The following MAP4K5 variants were observed in gnomAD, a reference collection of about 807,000 sequenced individuals.
MAP4K5 encodes the protein MAPK/ERK kinase kinase kinase 5.
Under a neutral mutation model 135.6 loss-of-function variants are expected in MAP4K5, and 82 were observed. That is an observed-to-expected ratio of 0.60 (90% CI 0.51 to 0.73). The LOEUF (loss-of-function observed/expected upper bound fraction) is 0.73. MAP4K5 is among the 30% of genes least tolerant of loss of function. The pLI, the probability that MAP4K5 is intolerant of heterozygous loss-of-function variation, is 0.00. For missense variants in MAP4K5, 907 were observed against 1,010.9 expected (o/e 0.90, Z 1.39); for synonymous variants, 347 against 335.0 (o/e 1.04, Z -0.39).
intron 3 of MAP4K5, among the ~76,000 whole-genome samples, chr14:50,499,286 A>G (rs1295874666): frequency 6.6e-6 from 1 of 152,224 alleles, no homozygotes; most frequent in African/African-American, 2.4e-5. Flanking sequence ...GAATGCTGGT[A>G]GAGTTAAGGG....
At chr14:50,429,416 A>C (rs2035921665) in intron 28 of MAP4K5, among the ~76,000 whole-genome samples, 156 bp from the exon 29 acceptor site, 1 of 152,236 alleles carries the variant, frequency 6.6e-6, no homozygotes, top group Non-Finnish European at 1.5e-5. Context: ...AAATGCATGT[A>C]AATCAATTTA....
intron 2 of MAP4K5, among the ~76,000 whole-genome samples, chr14:50,529,162 C>A (rs144776178): frequency 1.4e-3 from 211 of 152,120 alleles, no homozygotes; most frequent in Middle Eastern, 3.4e-3. Context: ...GCAGGCAGAT[C>A]ATTTAAGCTC....
At chr14:50,472,799 T>C (rs929752616) in intron 9 of MAP4K5, among the ~76,000 whole-genome samples, 1 of 152,192 alleles carries the variant, frequency 6.6e-6, no homozygotes, top group African/African-American at 2.4e-5. Flanking sequence ...TAAGTTTCCA[T>C]TTTAATAATT....
At chr14:50,485,709 C>T (rs992389301) in intron 4 of MAP4K5, 67 bp from the exon 5 acceptor site, 22 of 980,400 alleles carry the variant, frequency 2.2e-5, no homozygotes, top group Non-Finnish European at 3.1e-5. Flanking sequence ...CTCTAAGGCT[C>T]TCACTCTTTA....
intron 10 of MAP4K5, among the ~76,000 whole-genome samples, chr14:50,467,220 A>C (rs1424553236): frequency 6.6e-6 from 1 of 152,236 alleles, no homozygotes; most frequent in African/African-American, 2.4e-5. Flanking sequence ...AGTATGATAG[A>C]GGATTTAAGA....
Position 50,462,801 on chromosome 14 carries a change from A to G in MAP4K5, c.820-20T>C. On this transcript the variant is annotated intron_variant, in intron 12 of 32. Coordinates refer to ENST00000682126, the MANE Select transcript of MAP4K5 (RefSeq NM_006575.6). Reference sequence around the variant, plus strand: ...AGTGTGCTAAAAGACAACAAAATGAAATTTCATGAGTATGCCTTTACATCT... The same window carrying G: ...AGTGTGCTAAAAGACAACAAAATGAGATTTCATGAGTATGCCTTTACATCT... 1 of 1,416,340 alleles carries G rather than the reference A, an allele frequency of 7.1e-7. No individual in the cohort carries two copies. Among genetic ancestry groups the G allele is most frequent in the East Asian group, 2.3e-5 (1 of 43,844 alleles). 87.7% of individuals were successfully genotyped at this position (1,416,340 alleles called of 1,614,324 possible). A position where few individuals can be genotyped will look rare whatever the true frequency, so the allele number is the denominator to read the frequency against.
In MAP4K5 at chr14:50,486,108, G is replaced by C. The variant is rs1450783040; in HGVS notation, c.253C>G (p.Leu85Val). 3.2e-6 allele frequency: 4 copies of C among 1,267,350 alleles called. No homozygotes were observed. Among genetic ancestry groups the C allele is most frequent in the Non-Finnish European group, 4.4e-6 (4 of 903,702 alleles). The allele number at this position is 1,267,350 out of a possible 1,614,324, so 78.5% of individuals were successfully genotyped here. ...TGATGCTTTTTTTTCTCTTACCTAAGATAACTCCCAAAGTAGGCAACGATG... is the reference window on the plus strand; with the variant it reads ...TGATGCTTTTTTTTCTCTTACCTAACATAACTCCCAAAGTAGGCAACGATG... Reference protein sequence around the residue: ...CNIVAYFGSYLSREKLWICME... With the variant: ...CNIVAYFGSYVSREKLWICME... The change falls in exon 4 of 33, where the codon CTT (leucine) becomes GTT (valine). Residue 85 changes from leucine (L) to valine (V), a missense_variant. Physicochemically the swap from Leu to Val is conservative, Grantham distance 32. Coordinates refer to ENST00000682126, the MANE Select transcript of MAP4K5 (RefSeq NM_006575.6).
intron 21 of MAP4K5, among the ~76,000 whole-genome samples, chr14:50,442,309 G>A (rs2036247671): frequency 6.6e-6 from 1 of 151,848 alleles, no homozygotes; most frequent in African/African-American, 2.4e-5. Flanking sequence ...AGCTGTTTAA[G>A]ATAACTTATG....
At chr14:50,446,027 A>T in intron 17 of MAP4K5, 52 bp downstream of exon 17, 1 of 1,156,572 alleles carries the variant, frequency 8.6e-7, no homozygotes, top group Non-Finnish European at 1.2e-6. Flanking sequence ...TTAAAAATTT[A>T]ACTATATTAT....
chr14:50,471,286 T>C (rs1357970219), intron 9 of MAP4K5, among the ~76,000 whole-genome samples: 1 of 152,172 alleles, frequency 6.6e-6, no homozygotes, highest in Non-Finnish European at 1.5e-5. Flanking sequence ...ATTTAATTTG[T>C]TCATCAAGGG....
chr14:50,486,982 T>C (rs1299956480), intron 3 of MAP4K5, among the ~76,000 whole-genome samples: 2 of 152,224 alleles, frequency 1.3e-5, no homozygotes, highest in Non-Finnish European at 2.9e-5. Context: ...AATTAGGTCT[T>C]AGATAAATAA....
Position 50,461,632 on chromosome 14 carries a change from C to T in MAP4K5, c.936+1033G>A, listed in dbSNP as rs546591090. 2.0e-5 allele frequency among the ~76,000 whole-genome samples: 3 copies of T among 152,076 alleles called. No individual in the cohort carries two copies. The South Asian group carries it at 6.2e-4, about 32-fold the overall frequency. On this transcript the variant is annotated intron_variant, in intron 13 of 32. Coordinates refer to ENST00000682126, the MANE Select transcript of MAP4K5 (RefSeq NM_006575.6). ...ACAAATTGTGTTGTTATAGAAAATA[C>T]ATTACAGGCCAAGCATGGTGGCTCA...
intron 3 of MAP4K5, among the ~76,000 whole-genome samples, chr14:50,491,221 A>G (rs1272668101): frequency 6.6e-6 from 1 of 152,162 alleles, no homozygotes; most frequent in Non-Finnish European, 1.5e-5. Flanking sequence ...CCTTCCAAAA[A>G]TATGACAGTA....
chr14:50,497,111 G>A (rs2037611107), intron 3 of MAP4K5, among the ~76,000 whole-genome samples: 1 of 152,146 alleles, frequency 6.6e-6, no homozygotes. Flanking sequence ...TCAATCCAAT[G>A]CTAAATATTC....
intron 12 of MAP4K5, 21 bp from the exon 13 acceptor site, chr14:50,462,802 A>T: frequency 7.2e-7 from 1 of 1,395,048 alleles, no homozygotes; most frequent in Non-Finnish European, 1.0e-6. Flanking sequence ...ACAAAATGAA[A>T]TTTCATGAGT....
At chr14:50,510,532 G>A (rs1401123542) in intron 2 of MAP4K5, among the ~76,000 whole-genome samples, 2 of 152,128 alleles carry the variant, frequency 1.3e-5, no homozygotes, top group Admixed American at 1.3e-4. Flanking sequence ...GACAATCATG[G>A]TTGTAGGAAG....
At chr14:50,496,299 C>T (rs1159780378) in intron 3 of MAP4K5, among the ~76,000 whole-genome samples, 1 of 151,058 alleles carries the variant, frequency 6.6e-6, no homozygotes, top group African/African-American at 2.4e-5. Flanking sequence ...GCACTCCACC[C>T]GGGGTGCCAA....
At chr14:50,476,555 G>A (rs891548837) in intron 6 of MAP4K5, among the ~76,000 whole-genome samples, 4 of 152,144 alleles carry the variant, frequency 2.6e-5, no homozygotes, top group Non-Finnish European at 1.5e-5. Flanking sequence ...CCATCTCCTG[G>A]GTTCAAGTGA....
intron 2 of MAP4K5, among the ~76,000 whole-genome samples, chr14:50,522,566 C>A (rs988540835): frequency 2.6e-5 from 4 of 151,970 alleles, no homozygotes; most frequent in Admixed American, 2.0e-4. Context: ...TCGCAGTGAC[C>A]TTATACAACA....
Sources: allele counts gnomAD v4.1 joint callset (sites outside exome capture counted in the v4.1 genomes callset), GRCh38; gene constraint gnomAD v4.1.1; transcripts MANE v1.5; gene names NCBI Gene and HGNC (gene_info 2026-07-23, HGNC 2026-07-21).